Variants in MTUS1 observed in about 807,000 individuals in gnomAD.
MTUS1 encodes microtubule associated scaffold protein 1, also known as microtubule-associated tumor suppressor 1.
A neutral mutation model predicts 120.8 loss-of-function variants in MTUS1; 109 were observed. That is an observed-to-expected ratio of 0.90 (90% CI 0.77 to 1.06). The LOEUF (loss-of-function observed/expected upper bound fraction) is 1.06. MTUS1 is among the 50% of genes least tolerant of loss of function. MTUS1 has a pLI of 0.00. For missense variants in MTUS1, 2,210 were observed against 1,486.3 expected (o/e 1.49, Z -8.01); for synonymous variants, 737 against 550.5 (o/e 1.34, Z -4.74).
At chr8:17,778,148 T>A (rs1364129560) in intron 1 of MTUS1, among the ~76,000 whole-genome samples, 1 of 151,874 alleles carries the variant, frequency 6.6e-6, no homozygotes, top group Non-Finnish European at 1.5e-5. Flanking sequence ...GGTAGATTAT[T>A]TTTTTTTAAT....
chr8:17,751,245 G>C (rs765286911), intron 2 of MTUS1, among the ~76,000 whole-genome samples: 1 of 152,172 alleles, frequency 6.6e-6, no homozygotes, highest in Non-Finnish European at 1.5e-5. Context: ...GTTGCAGTGA[G>C]CCGAGATCGC....
At position 17,650,069 on chromosome 8, in the gene MTUS1, T is replaced by C. The variant is rs1806661720; in HGVS notation, c.3385-107A>G. The C allele has an allele frequency of 5.4e-6, 4 of 747,596 alleles. No individual in the cohort carries two copies. In the South Asian group the frequency reaches 6.0e-5, roughly 11 times the overall value. 46.3% of individuals were successfully genotyped at this position (747,596 alleles called of 1,614,324 possible). A position where few individuals can be genotyped will look rare whatever the true frequency, so the allele number is the denominator to read the frequency against. On this transcript the variant is annotated intron_variant, in intron 12 of 14. Transcript: ENST00000693296. ...CATTAGACAAGTAGCAAGCGACAGA[T>C]GTTCATCATCTTAGAGCAATTTCAA... is the stretch of plus-strand genomic sequence containing the variant.
chr8:17,696,637 A>G (rs1264695537), intron 6 of MTUS1, among the ~76,000 whole-genome samples: 5 of 152,204 alleles, frequency 3.3e-5, no homozygotes, highest in African/African-American at 7.2e-5. Context: ...ATTTATTTTC[A>G]TCTTAGGCAC....
chr8:17,748,591 G>A (rs1277897362), intron 2 of MTUS1, among the ~76,000 whole-genome samples: 2 of 152,202 alleles, frequency 1.3e-5, no homozygotes, highest in African/African-American at 2.4e-5. Flanking sequence ...GCCCTCTGGG[G>A]CTTTAGGGTC....
intron 2 of MTUS1, among the ~76,000 whole-genome samples, chr8:17,747,005 A>G (rs990040523): frequency 1.3e-5 from 2 of 152,178 alleles, no homozygotes; most frequent in African/African-American, 4.8e-5. Context: ...GATTACTGAA[A>G]CGATGTCCAC....
rs1822216513 is a variant in MTUS1, at chr8:17,715,846, C to A, written c.2505G>T (p.Gln835His). 3 of 1,614,000 alleles carry A rather than the reference C, an allele frequency of 1.9e-6. No individual in the cohort carries two copies. Among genetic ancestry groups the A allele is most frequent in the South Asian group, 1.1e-5 (1 of 91,064 alleles). Residue 835 changes from glutamine (Q) to histidine (H), a missense_variant, in exon 5 of 15, where the codon CAG becomes CAT. Gln to His is a conservative substitution (Grantham distance 24). Coordinates refer to ENST00000693296, the MANE Select transcript of MTUS1 (RefSeq NM_001363059.2). ...YEEKPPKPAF[Q>H]NGSSGSFYLK... ...AATAAAAGGATCCTGAGGAACCATT[C>A]TGAAATGCTGGTTTTGGAGGTTTCT...
At chr8:17,694,440 C>A (rs970083968) in intron 6 of MTUS1, among the ~76,000 whole-genome samples, 2 of 151,978 alleles carry the variant, frequency 1.3e-5, no homozygotes, top group Non-Finnish European at 2.9e-5. Context: ...CTGAGGCAGG[C>A]GAATTGCCTG....
At chr8:17,674,002 G>A (rs975349956) in intron 8 of MTUS1, among the ~76,000 whole-genome samples, 1 of 152,146 alleles carries the variant, frequency 6.6e-6, no homozygotes, top group Non-Finnish European at 1.5e-5. Flanking sequence ...ACTGCAAAGG[G>A]CAAGGAAATA....
chr8:17,745,218 C>T (rs768960928), intron 2 of MTUS1, among the ~76,000 whole-genome samples: 4 of 152,112 alleles, frequency 2.6e-5, no homozygotes, highest in South Asian at 4.2e-4. Flanking sequence ...AGTTGTCCCT[C>T]GGTATCAAAA....
chr8:17,713,513 G>A (rs1373003781), intron 5 of MTUS1, among the ~76,000 whole-genome samples: 1 of 152,114 alleles, frequency 6.6e-6, no homozygotes, highest in African/African-American at 2.4e-5. Context: ...AGGAAAAGCC[G>A]CAGTATTTTT....
intron 13 of MTUS1, among the ~76,000 whole-genome samples, chr8:17,648,502 G>C (rs1806299993): frequency 6.6e-6 from 1 of 152,242 alleles, no homozygotes; most frequent in Admixed American, 6.5e-5. Context: ...CTGACTACCA[G>C]ATTAGAAGAT....
intron 3 of MTUS1, among the ~76,000 whole-genome samples, chr8:17,740,299 A>G (rs1391825759): frequency 6.6e-6 from 1 of 152,256 alleles, no homozygotes; most frequent in Non-Finnish European, 1.5e-5. Flanking sequence ...GCTTCAAGAA[A>G]ATGGCTGTTT....
intron 1 of MTUS1, among the ~76,000 whole-genome samples, chr8:17,778,817 TATAAAA>T (rs2050655968): frequency 6.6e-6 from 1 of 152,016 alleles, no homozygotes; most frequent in Non-Finnish European, 1.5e-5. Flanking sequence ...TCCAAAAATA[TATAAAA>T]ATAAAAATAA....
At chr8:17,776,110 A>G (rs921225849) in intron 1 of MTUS1, among the ~76,000 whole-genome samples, 2 of 152,190 alleles carry the variant, frequency 1.3e-5, no homozygotes, top group Non-Finnish European at 2.9e-5. Context: ...TTGTATTTAC[A>G]GTCAGCCAAC....
At chr8:17,760,995 G>C (rs182826203) in intron 1 of MTUS1, among the ~76,000 whole-genome samples, 37 of 152,028 alleles carry the variant, frequency 2.4e-4, no homozygotes, top group Admixed American at 3.9e-4. Context: ...CTTTCTAAGA[G>C]AATCATTTGG....
intron 8 of MTUS1, among the ~76,000 whole-genome samples, chr8:17,663,154 C>T (rs1810141540): frequency 6.6e-6 from 1 of 152,204 alleles, no homozygotes; most frequent in Non-Finnish European, 1.5e-5. Context: ...CACAGTCAAA[C>T]ATAATCTCTG....
intron 8 of MTUS1, 83 bp downstream of exon 8, chr8:17,675,103 G>C: frequency 1.3e-6 from 2 of 1,595,054 alleles, no homozygotes; most frequent in Non-Finnish European, 1.7e-6. Context: ...TGCAACTCCA[G>C]CCACAACGCA....
chr8:17,682,410 C>T (rs1291680139), intron 7 of MTUS1, among the ~76,000 whole-genome samples: 13 of 149,552 alleles, frequency 8.7e-5, no homozygotes, highest in African/African-American at 2.0e-4. Flanking sequence ...CCCAGCTATT[C>T]GGGAGGCTGA....
At chr8:17,721,347 A>C (rs963699788) in intron 4 of MTUS1, among the ~76,000 whole-genome samples, 2 of 152,202 alleles carry the variant, frequency 1.3e-5, no homozygotes, top group African/African-American at 4.8e-5. Flanking sequence ...TGATGTTTCC[A>C]TTTTAATTTT....
Sources: allele counts gnomAD v4.1 joint callset (sites outside exome capture counted in the v4.1 genomes callset), GRCh38; gene constraint gnomAD v4.1.1; transcripts MANE v1.5; gene names NCBI Gene and HGNC (gene_info 2026-07-23, HGNC 2026-07-21).